The following BICC1 variants were observed in gnomAD, a reference collection of about 807,000 sequenced individuals.
The protein encoded by BICC1 is BicC family RNA binding protein 1, also known as protein bicaudal C homolog 1.
BICC1 carries 43 observed loss-of-function variants against 111.0 expected under a neutral mutation model. The ratio of observed to expected loss-of-function variants is 0.39; its 90% CI spans 0.30 to 0.50. BICC1 has a LOEUF of 0.50. Ranked by LOEUF, BICC1 falls within the 20% of genes least tolerant of loss-of-function variation. The pLI is 0.88. For synonymous variants in BICC1, 467 were observed against 434.4 expected, an observed-to-expected ratio of 1.07 and a Z score of -0.93; for missense variants, 1,091 against 1,203.2, an observed-to-expected ratio of 0.91 and a Z score of 1.38.
intron 1 of BICC1, among the ~76,000 whole-genome samples, chr10:58,545,619 C>T (rs1353431249): frequency 6.6e-6 from 1 of 152,156 alleles, no homozygotes; most frequent in African/African-American, 2.4e-5. Context: ...AATTTCTCCA[C>T]ATTAGAAACA....
chr10:58,734,494 G>A (rs1230759956), intron 3 of BICC1, among the ~76,000 whole-genome samples: 2 of 152,166 alleles, frequency 1.3e-5, no homozygotes, highest in East Asian at 1.9e-4. Context: ...TATGTGAACC[G>A]AGTGAAGAGG....
At chr10:58,588,517 A>T (rs1844500648) in intron 1 of BICC1, among the ~76,000 whole-genome samples, 1 of 152,166 alleles carries the variant, frequency 6.6e-6, no homozygotes, top group South Asian at 2.1e-4. Context: ...TCTACCTTGA[A>T]TTCCAGCTTA....
intron 8 of BICC1, among the ~76,000 whole-genome samples, 180 bp from the exon 9 acceptor site, chr10:58,793,304 C>A (rs1272888381): frequency 6.6e-6 from 1 of 152,138 alleles, no homozygotes; most frequent in Non-Finnish European, 1.5e-5. Context: ...GTTTTCTCCC[C>A]CTCAACGTTA....
chr10:58,590,659 A>T (rs11006196), intron 1 of BICC1, among the ~76,000 whole-genome samples: 172 of 152,182 alleles, frequency 1.1e-3, no homozygotes, highest in Non-Finnish European at 1.8e-3. Flanking sequence ...TTAAAAAAAA[A>T]TTTTTCTCTC....
chr10:58,723,609 C>T (rs969921891), intron 3 of BICC1, among the ~76,000 whole-genome samples: 5 of 152,092 alleles, frequency 3.3e-5, no homozygotes, highest in African/African-American at 1.2e-4. Context: ...AAATGTTCAG[C>T]TGAAGGTTGT....
chr10:58,586,862 G>A (rs185592798), intron 1 of BICC1, among the ~76,000 whole-genome samples: 1 of 152,212 alleles, frequency 6.6e-6, no homozygotes, highest in Admixed American at 6.5e-5. Flanking sequence ...TTGAACTGAG[G>A]GTGATTTCAG....
At chr10:58,571,015 A>G (rs1228655468) in intron 1 of BICC1, among the ~76,000 whole-genome samples, 3 of 152,162 alleles carry the variant, frequency 2.0e-5, no homozygotes, top group Non-Finnish European at 4.4e-5. Flanking sequence ...CCACTTCACC[A>G]GTTGCTCATT....
In BICC1 at chr10:58,830,013, T is replaced by C. The variant is rs1226969796; in HGVS notation, c.*1122T>C. 3 of 152,088 alleles carry C rather than the reference T, an allele frequency of 2.0e-5. No individual in the cohort carries two copies. Among genetic ancestry groups the C allele is most frequent in the African/African-American group, 7.2e-5 (3 of 41,434 alleles). The allele number at this position is 152,088 out of a possible 1,614,324, so 9.4% of individuals were successfully genotyped here. A position where few individuals can be genotyped will look rare whatever the true frequency, so the allele number is the denominator to read the frequency against. Reference sequence around the variant, plus strand: ...ATTACAATCCTTATCATGTACACGTTAGCTATGTTCCGTATGGCCACAGGA... The same window carrying C: ...ATTACAATCCTTATCATGTACACGTCAGCTATGTTCCGTATGGCCACAGGA... On this transcript the variant is annotated 3_prime_UTR_variant, in exon 21 of 21. Coordinates refer to ENST00000373886, the MANE Select transcript of BICC1 (RefSeq NM_001080512.3).
intron 17 of BICC1, among the ~76,000 whole-genome samples, chr10:58,810,359 G>C (rs200490418): frequency 6.6e-6 from 1 of 152,184 alleles, no homozygotes; most frequent in Non-Finnish European, 1.5e-5. Context: ...TGGGAGGAAG[G>C]GTGGGTGAGA....
At chr10:58,530,755 G>C (rs1842662591) in intron 1 of BICC1, among the ~76,000 whole-genome samples, 1 of 149,156 alleles carries the variant, frequency 6.7e-6, no homozygotes, top group African/African-American at 2.5e-5. Flanking sequence ...TCATACCTTT[G>C]TTCTAAATCA....
intron 1 of BICC1, among the ~76,000 whole-genome samples, chr10:58,575,022 T>C (rs1353728384): frequency 6.6e-6 from 1 of 152,172 alleles, no homozygotes; most frequent in Non-Finnish European, 1.5e-5. Flanking sequence ...CCTTTTTTTT[T>C]TTTAATTTTA....
intron 2 of BICC1, among the ~76,000 whole-genome samples, chr10:58,674,984 T>C (rs1187482270): frequency 1.3e-5 from 2 of 152,190 alleles, no homozygotes; most frequent in African/African-American, 2.4e-5. Context: ...TAACGACTTG[T>C]ATGAGAAAAG....
At chr10:58,518,852 A>G (rs777035070) in intron 1 of BICC1, among the ~76,000 whole-genome samples, 2 of 151,954 alleles carry the variant, frequency 1.3e-5, no homozygotes, top group Non-Finnish European at 1.5e-5. Flanking sequence ...GGGCAGTAAA[A>G]CCTCACGCTC....
At chr10:58,579,179 T>C (rs555093873) in intron 1 of BICC1, among the ~76,000 whole-genome samples, 1 of 152,282 alleles carries the variant, frequency 6.6e-6, no homozygotes, top group East Asian at 1.9e-4. Flanking sequence ...GCTGCAACGC[T>C]GTCACCTTGG....
At chr10:58,586,669 T>G (rs1844440493) in intron 1 of BICC1, among the ~76,000 whole-genome samples, 1 of 151,002 alleles carries the variant, frequency 6.6e-6, no homozygotes, top group Non-Finnish European at 1.5e-5. Flanking sequence ...TATGTTCACA[T>G]ATACATACCC....
intron 15 of BICC1, 39 bp downstream of exon 15, chr10:58,803,281 A>G (rs373872828): frequency 1.2e-4 from 191 of 1,538,100 alleles, no homozygotes; most frequent in Middle Eastern, 1.7e-4. Context: ...CAAATGTCAT[A>G]TGTTTGGGTT....
chr10:58,620,551 T>A (rs1224540517), intron 1 of BICC1, among the ~76,000 whole-genome samples: 1 of 152,218 alleles, frequency 6.6e-6, no homozygotes, highest in African/African-American at 2.4e-5. Flanking sequence ...AGAGTTGCAT[T>A]TATTCATATA....
At chr10:58,759,827 T>C (rs998487916) in intron 3 of BICC1, among the ~76,000 whole-genome samples, 1 of 151,730 alleles carries the variant, frequency 6.6e-6, no homozygotes, top group African/African-American at 2.4e-5. Context: ...GGCTTGGTGG[T>C]GGGCGCCTGT....
At chr10:58,526,798 G>A (rs1316174762) in intron 1 of BICC1, among the ~76,000 whole-genome samples, 1 of 152,172 alleles carries the variant, frequency 6.6e-6, no homozygotes, top group Non-Finnish European at 1.5e-5. Context: ...TGGTGTATAT[G>A]TGCCACATTT....
Sources: gnomAD v4.1 joint callset for allele counts (sites outside exome capture counted in the v4.1 genomes callset) on GRCh38, gnomAD v4.1.1 for gene constraint, MANE v1.5 for transcripts, NCBI Gene and HGNC (gene_info 2026-07-23, HGNC 2026-07-21) for gene names.